TMEM82: variants seen among roughly 807,000 people sequenced by gnomAD.
The protein encoded by TMEM82 is transmembrane protein 82.
In TMEM82, 30 loss-of-function variants were observed where a neutral mutation model predicts 29.2. The observed-to-expected ratio is 1.03, with a 90% CI of 0.77 to 1.39. The LOEUF (loss-of-function observed/expected upper bound fraction) is 1.39, where lower values mean the gene tolerates loss of function less well. Ranked by LOEUF, TMEM82 falls within the 40% of genes most tolerant of loss-of-function variation. The pLI, the probability that TMEM82 is intolerant of heterozygous loss-of-function variation, is 0.00. For synonymous variants in TMEM82, 221 were observed against 225.4 expected, an observed-to-expected ratio of 0.98 and a Z score of 0.18; for missense variants, 442 against 447.7, an observed-to-expected ratio of 0.99 and a Z score of 0.12.
rs769931864 is a variant in TMEM82 at position 15,743,202 on chromosome 1, C to T, written c.336+8C>T. 7 of 1,603,622 alleles carry T rather than the reference C, an allele frequency of 4.4e-6. No homozygotes were observed. The African/African-American group carries it at 5.3e-5, about 12-fold the overall frequency. On this transcript the variant is annotated splice_region_variant and intron_variant, in intron 3 of 5. Coordinates refer to ENST00000375782, the MANE Select transcript of TMEM82 (RefSeq NM_001013641.3). ...CTGCTGTCCCTGGGCAAGGTGAGGC[C>T]TCCGGGAAGGCAGTGGGTGGATCAC...
chr1:15,743,953 A>T (rs2068312633), intron 3 of TMEM82, among the ~76,000 whole-genome samples: 1 of 151,916 alleles, frequency 6.6e-6, no homozygotes, highest in Non-Finnish European at 1.5e-5. Context: ...TGACAGAGCA[A>T]GACTCTGTCT....
At chr1:15,743,301 G>C in intron 3 of TMEM82, 107 bp downstream of exon 3, 1 of 1,331,498 alleles carries the variant, frequency 7.5e-7, no homozygotes, top group Non-Finnish European at 1.0e-6. Flanking sequence ...CAGCCTCTTC[G>C]CCGTATTTTC....
At chr1:15,746,243 G>A (rs958013539) in intron 4 of TMEM82, among the ~76,000 whole-genome samples, 3 of 151,712 alleles carry the variant, frequency 2.0e-5, no homozygotes, top group Admixed American at 6.6e-5. Flanking sequence ...CAGCACTTTC[G>A]GAGGCTGAGG....
Position 15,747,564 on chromosome 1 carries a change from C to T in TMEM82, c.964C>T (p.Pro322Ser). ...TCCTCAGGATTTTCCATCCCAGAGG[C>T]CTCCAGTGTCAACACCAAGCCAGCC... ...CQIQDFPSQRPPVSTPSQPLP... is the reference protein window; with the variant it reads ...CQIQDFPSQRSPVSTPSQPLP... The change falls in exon 6 of 6, where the codon CCT (proline) becomes TCT (serine). Residue 322 changes from proline (P) to serine (S), a missense_variant. Transcript: ENST00000375782. 1 of 1,614,096 alleles carries T rather than the reference C, an allele frequency of 6.2e-7. No homozygotes were observed.
At position 15,744,247 on chromosome 1, in the gene TMEM82, C is replaced by A; in HGVS notation, c.424C>A (p.Leu142Met). The A allele has an allele frequency of 8.2e-6, 13 of 1,582,086 alleles. No individual in the cohort carries two copies. The highest frequency in any genetic ancestry group is 1.1e-5 in the Non-Finnish European group (13 of 1,169,182). Residue 142 changes from leucine to methionine, a missense_variant, in exon 4 of 6, where the codon CTG (leucine) becomes ATG (methionine). Physicochemically the swap from Leu to Met is conservative, Grantham distance 15. Transcript: ENST00000375782. The surrounding 1 kb of genome is among the most constrained non-coding windows in gnomAD (Gnocchi z 5.2). ...CGGGCTGACCTGTGGCCTGAGCTTC[C>A]TGCAGGAGGGCGCCCCTCACCGCAC... ...GCGLTCGLSF[L>M]QEGAPHRTLN... is the part of the protein sequence containing the mutation.
In TMEM82 at chr1:15,744,642, C is replaced by T. The variant is rs2068321406; in HGVS notation, c.757+62C>T. 6.7e-6 allele frequency: 10 copies of T among 1,494,426 alleles called. No individual in the cohort carries two copies. Among genetic ancestry groups the T allele is most frequent in the Admixed American group, 4.4e-5 (2 of 45,600 alleles). 92.6% of individuals were successfully genotyped at this position (1,494,426 alleles called of 1,614,324 possible). A position where few individuals can be genotyped will look rare whatever the true frequency, so the allele number is the denominator to read the frequency against. ...ACATCCCTCTGTCTGGGTCAGGCTC[C>T]GGGGAGGCCGAGAGCCATCAGCCCT... On this transcript the variant is annotated intron_variant, in intron 4 of 5. Coordinates refer to ENST00000375782, the MANE Select transcript of TMEM82 (RefSeq NM_001013641.3). The surrounding 1 kb of genome is among the most constrained non-coding windows in gnomAD (Gnocchi z 5.2).
chr1:15,746,585 C>T (rs563839779), intron 4 of TMEM82, among the ~76,000 whole-genome samples: 69 of 151,644 alleles, frequency 4.6e-4, no homozygotes, highest in African/African-American at 1.5e-3. Context: ...GGCGGGTGTG[C>T]GGAAAAGAAA....
Position 15,745,302 on chromosome 1 carries a change from C to T in TMEM82, c.757+722C>T, listed in dbSNP as rs114412876. ...TTGAGAAGCTGAGACAGGCAAATCA[C>T]GTGAGGTCAGGAGTTCAAGACCAGC... On this transcript the variant is annotated intron_variant, in intron 4 of 5. Transcript: ENST00000375782. 6.9e-3 allele frequency among the ~76,000 whole-genome samples: 1,052 copies of T among 152,188 alleles called. 9 individuals carry two copies. Among genetic ancestry groups the T allele is most frequent in the African/African-American group, 0.024 (1,013 of 41,508 alleles).
chr1:15,743,173 C>T lies in TMEM82; in HGVS notation c.315C>T (p.Ser105=), dbSNP rs1227715139. ...TCGAGTTCTCCCTCCGGGCCGTGTC[C>T]ACGCTGCTGTCCCTGGGCAAGGTGA... ...VVLEFSLRAV[S]TLLSLGKGSQ... Residue 105 remains serine, a synonymous_variant, in exon 3 of 6, where the codon TCC becomes TCT. Coordinates refer to ENST00000375782, the MANE Select transcript of TMEM82 (RefSeq NM_001013641.3). 1 of 1,609,006 alleles carries T rather than the reference C, an allele frequency of 6.2e-7. No individual in the cohort carries two copies. The highest frequency in any genetic ancestry group is 1.7e-5 in the Admixed American group (1 of 59,976).
intron 4 of TMEM82, among the ~76,000 whole-genome samples, chr1:15,746,126 GGTTCAATC>G (rs112729804): frequency 0.24 from 36,096 of 151,140 alleles, 4,493 homozygotes; most frequent in Middle Eastern, 0.29. Context: ...CCAACTCCTG[GGTTCAATC>G]AATTCTCCTG....
At chr1:15,743,300 C>G (rs1038961785) in intron 3 of TMEM82, 106 bp downstream of exon 3, 1 of 1,331,288 alleles carries the variant, frequency 7.5e-7, no homozygotes, top group Admixed American at 2.8e-5. Context: ...CCAGCCTCTT[C>G]GCCGTATTTT....
Position 15,747,912 on chromosome 1 carries a change from C to T in TMEM82, c.*280C>T, listed in dbSNP as rs538017137. 16 of 374,546 alleles carry T rather than the reference C, an allele frequency of 4.3e-5. No individual in the cohort carries two copies. The East Asian group carries it at 6.8e-4, about 16-fold the overall frequency. The allele number at this position is 374,546 out of a possible 1,614,324, so 23.2% of individuals were successfully genotyped here. A position where few individuals can be genotyped will look rare whatever the true frequency, so the allele number is the denominator to read the frequency against. ...TCCTGGGCAGGGGTGGGGGTGCATC[C>T]TCAGGAGGGCTCCCCCTTTACTGGT... On this transcript the variant is annotated 3_prime_UTR_variant, in exon 6 of 6. Coordinates refer to ENST00000375782, the MANE Select transcript of TMEM82 (RefSeq NM_001013641.3).
In TMEM82 at chr1:15,743,301, G is replaced by A. The variant is rs373607217; in HGVS notation, c.336+107G>A. 47 of 1,331,380 alleles carry A rather than the reference G, an allele frequency of 3.5e-5. No individual in the cohort carries two copies. The Admixed American group carries it at 5.2e-4, about 15-fold the overall frequency. 82.5% of individuals were successfully genotyped at this position (1,331,380 alleles called of 1,614,324 possible). ...CCAGGTCCAGCATCCCAGCCTCTTC[G>A]CCGTATTTTCCGTAAGACTGAGAAC... On this transcript the variant is annotated intron_variant, in intron 3 of 5. Coordinates refer to ENST00000375782, the MANE Select transcript of TMEM82 (RefSeq NM_001013641.3).
Position 15,744,196 on chromosome 1 carries a change from C to G in TMEM82, c.373C>G (p.Leu125Val). The G allele has an allele frequency of 6.3e-7, 1 of 1,587,968 alleles. No homozygotes were observed. The highest frequency in any genetic ancestry group is 8.5e-7 in the Non-Finnish European group (1 of 1,171,828). The change falls in exon 4 of 6, where the codon CTG becomes GTG. Residue 125 changes from leucine to valine, a missense_variant. Coordinates refer to ENST00000375782, the MANE Select transcript of TMEM82 (RefSeq NM_001013641.3). This position sits in a 1 kb window ranked among gnomAD's most constrained non-coding sequence, Gnocchi z 5.2. ...TGCCGCCGAGAGGCTGCAGCTCTAC[C>G]TGCTGTGCCAGTACTCGCTGGGCTG... is the stretch of plus-strand genomic sequence containing the variant. ...QGAAERLQLY[L>V]LCQYSLGCGL...
At position 15,746,929 on chromosome 1, in the gene TMEM82, G is replaced by A. The variant is rs769620800; in HGVS notation, c.820G>A (p.Gly274Ser). The change falls in exon 5 of 6, where the codon GGC becomes AGC. Residue 274 changes from glycine to serine, a missense_variant. Transcript: ENST00000375782. ...GCAGACGGTGCTGGTGCGCATGGGC[G>A]GCCTCTTCGTGCTGCTGCTGACTGT... is the stretch of plus-strand genomic sequence containing the variant. ...QVQTVLVRMG[G>S]LFVLLLTVGR... 6.2e-6 allele frequency: 10 copies of A among 1,608,958 alleles called. No homozygotes were observed. Among genetic ancestry groups the A allele is most frequent in the South Asian group, 2.2e-5 (2 of 91,026 alleles).
chr1:15,744,959 G>T lies in TMEM82; in HGVS notation c.757+379G>T, dbSNP rs759452923. 6.6e-6 allele frequency among the ~76,000 whole-genome samples: 1 copy of T among 152,222 alleles called. No individual in the cohort carries two copies. The highest frequency in any genetic ancestry group is 2.4e-5 in the African/African-American group (1 of 41,458). On this transcript the variant is annotated intron_variant, in intron 4 of 5. Coordinates refer to ENST00000375782, the MANE Select transcript of TMEM82 (RefSeq NM_001013641.3). This position sits in a 1 kb window ranked among gnomAD's most constrained non-coding sequence, Gnocchi z 5.2. ...GGAAGGGGTGAGGCTGGCCAGGTTCGAAGGGGCCTGTTGGAGAGCCCTCAA... is the reference window on the plus strand; with the variant it reads ...GGAAGGGGTGAGGCTGGCCAGGTTCTAAGGGGCCTGTTGGAGAGCCCTCAA...
chr1:15,744,614 C>G lies in TMEM82; in HGVS notation c.757+34C>G. ...TGCGGGGCCTGCTCCATTCAATCCACGCACATCCCTCTGTCTGGGTCAGGC... is the reference window on the plus strand; with the variant it reads ...TGCGGGGCCTGCTCCATTCAATCCAGGCACATCCCTCTGTCTGGGTCAGGC... On this transcript the variant is annotated intron_variant, in intron 4 of 5. Transcript: ENST00000375782. This position sits in a 1 kb window ranked among gnomAD's most constrained non-coding sequence, Gnocchi z 5.2. 6.4e-7 allele frequency: 1 copy of G among 1,561,362 alleles called. No homozygotes were observed. Among genetic ancestry groups the G allele is most frequent in the Non-Finnish European group, 8.7e-7 (1 of 1,151,434 alleles).
At position 15,746,898 on chromosome 1, in the gene TMEM82, C is replaced by T. The variant is rs754455257; in HGVS notation, c.789C>T (p.Ser263=). The T allele has an allele frequency of 6.2e-7, 1 of 1,601,334 alleles. No homozygotes were observed. Among genetic ancestry groups the T allele is most frequent in the African/African-American group, 1.3e-5 (1 of 74,980 alleles). Residue 263 remains serine (S), a synonymous_variant, in exon 5 of 6, where the codon AGC becomes AGT. Transcript: ENST00000375782. ...AGCGGCAGCACCCCGGCCTGCAGAG[C>T]CAGGTGCAGACGGTGCTGGTGCGCA... ...EEQRQHPGLQ[S]QVQTVLVRMG... is the part of the protein sequence containing the mutation.
Position 15,743,093 on chromosome 1 carries a change from G to A in TMEM82, c.235G>A (p.Gly79Arg), listed in dbSNP as rs139615840. Residue 79 changes from glycine (G) to arginine (R), a missense_variant, in exon 3 of 6, where the codon GGG becomes AGG. By Grantham distance (125) the Gly-to-Arg change is moderately radical. Transcript: ENST00000375782. ...WASLETVHLA[G>R]LALFLTVVGS... ...CTCCCTGGAAACGGTGCACCTGGCA[G>A]GGCTGGCCCTGTTTCTGACGGTCGT... The A allele has an allele frequency of 8.7e-6, 14 of 1,611,772 alleles. No homozygotes were observed. Among genetic ancestry groups the A allele is most frequent in the East Asian group, 2.2e-5 (1 of 44,882 alleles).
Sources: allele counts gnomAD v4.1 joint callset (sites outside exome capture counted in the v4.1 genomes callset), GRCh38; gene constraint gnomAD v4.1.1; non-coding constraint Gnocchi (gnomAD v3.1); transcripts MANE v1.5; gene names NCBI Gene and HGNC (gene_info 2026-07-23, HGNC 2026-07-21).